The following RFPL1 variants were observed in gnomAD, a reference collection of about 807,000 sequenced individuals.
RFPL1 encodes ret finger protein like 1, also known as ret finger protein-like 1.
In RFPL1, 6 loss-of-function variants were observed where a neutral mutation model predicts 9.6. The ratio of observed to expected loss-of-function variants is 0.62; its 90% CI spans 0.34 to 1.23. The LOEUF (loss-of-function observed/expected upper bound fraction) is 1.23, where lower values mean the gene tolerates loss of function less well. Ranked by LOEUF, RFPL1 falls within the 50% of genes most tolerant of loss-of-function variation. The pLI is 0.03. For missense variants in RFPL1, 352 were observed against 398.4 expected, an observed-to-expected ratio of 0.88 and a Z score of 0.99; for synonymous variants, 145 against 149.4, an observed-to-expected ratio of 0.97 and a Z score of 0.22.
chr22:29,433,641 T>C (rs1158942157), upstream of RFPL1: 1 of 152,310 alleles, frequency 6.6e-6, no homozygotes, highest in African/African-American at 2.4e-5. Flanking sequence ...AATAGGGGCA[T>C]TAGCTGAATT....
the RFPL1 span, among the ~76,000 whole-genome samples, chr22:29,425,800 G>A: frequency 3.2e-4 from 49 of 152,270 alleles, no homozygotes; most frequent in African/African-American, 1.2e-3. Context: ...GGCTGAGGCA[G>A]GAGAATTGCT....
chr22:29,413,562 T>G, the RFPL1 span, among the ~76,000 whole-genome samples: 1 of 152,188 alleles, frequency 6.6e-6, no homozygotes, highest in Non-Finnish European at 1.5e-5. Context: ...CCAAACACCA[T>G]TTTATATTTG....
the RFPL1 span, among the ~76,000 whole-genome samples, chr22:29,410,604 T>G: frequency 2.2e-5 from 2 of 92,722 alleles, no homozygotes; most frequent in Admixed American, 2.2e-4. Flanking sequence ...TAGATATATA[T>G]AGATATATCT....
the RFPL1 span, among the ~76,000 whole-genome samples, chr22:29,422,775 G>A: frequency 1.3e-5 from 2 of 149,016 alleles, no homozygotes; most frequent in African/African-American, 5.0e-5. Flanking sequence ...CGTTGGATAA[G>A]GACACACAGG....
the RFPL1 span, among the ~76,000 whole-genome samples, chr22:29,398,473 G>A: frequency 2.6e-5 from 4 of 152,182 alleles, no homozygotes; most frequent in Non-Finnish European, 4.4e-5. Flanking sequence ...TCCCCATTTC[G>A]TAGTTGAGGG....
At chr22:29,431,926 T>C in the RFPL1 span, among the ~76,000 whole-genome samples, 3 of 152,076 alleles carry the variant, frequency 2.0e-5, no homozygotes, top group East Asian at 3.8e-4. Context: ...ACTCCTGACC[T>C]CGTGATCTAC....
upstream of RFPL1, chr22:29,438,529 T>A (rs960538384): frequency 8.3e-6 from 10 of 1,202,412 alleles, no homozygotes; most frequent in Admixed American, 3.4e-5. Context: ...CTTGCTGGGG[T>A]TCCCCTAGGA....
chr22:29,420,629 TTTTGC>T, the RFPL1 span, among the ~76,000 whole-genome samples: 477 of 22,736 alleles, frequency 0.021, 145 homozygotes, highest in African/African-American at 0.11. Context: ...GCAGATGGTT[TTTTGC>T]TTTTTTTTTT....
chr22:29,433,549 T>C, the RFPL1 span: 1 of 178,256 alleles, frequency 5.6e-6, no homozygotes, highest in Non-Finnish European at 1.2e-5. Context: ...ATGCGGAAGT[T>C]TCAAGGTCAG....
At chr22:29,435,099 A>G (rs2062802505), upstream of RFPL1, 1 of 152,274 alleles carries the variant, frequency 6.6e-6, no homozygotes, top group Non-Finnish European at 1.5e-5. Context: ...AAGTTACAGC[A>G]GAAAAATATG....
the RFPL1 span, among the ~76,000 whole-genome samples, chr22:29,429,674 G>A: frequency 4.6e-5 from 7 of 152,078 alleles, no homozygotes; most frequent in Non-Finnish European, 8.8e-5. Flanking sequence ...CTCTCAAATT[G>A]GAAAAGAAGT....
At chr22:29,410,630 G>GATAT in the RFPL1 span, among the ~76,000 whole-genome samples, 1 of 87,926 alleles carries the variant, frequency 1.1e-5, no homozygotes, top group African/African-American at 3.7e-5. Context: ...TATATAGATA[G>GATAT]ATATATTGTA....
chr22:29,413,322 T>G, the RFPL1 span, among the ~76,000 whole-genome samples: 1 of 152,088 alleles, frequency 6.6e-6, no homozygotes, highest in Non-Finnish European at 1.5e-5. Flanking sequence ...GAACATGATC[T>G]TCAGGCTGGT....
At chr22:29,442,034 C>G in exon 2 of RFPL1, 1 of 1,614,034 alleles carries the variant, frequency 6.2e-7, no homozygotes, top group Non-Finnish European at 8.5e-7. Flanking sequence ...CCAAGTCCAC[C>G]TAATGGTGAT....
At chr22:29,419,950 A>C in the RFPL1 span, among the ~76,000 whole-genome samples, 72 of 152,256 alleles carry the variant, frequency 4.7e-4, no homozygotes, top group South Asian at 1.9e-3. Flanking sequence ...GGAGCTAAAA[A>C]CCCAGTGGAA....
chr22:29,410,453 G>GAT, the RFPL1 span, among the ~76,000 whole-genome samples: 2 of 76,062 alleles, frequency 2.6e-5, no homozygotes, highest in Admixed American at 1.5e-4. Context: ...TCTATATATA[G>GAT]ATATATATAT....
At chr22:29,400,620 G>T in the RFPL1 span, among the ~76,000 whole-genome samples, 1 of 152,124 alleles carries the variant, frequency 6.6e-6, no homozygotes, top group East Asian at 1.9e-4. Flanking sequence ...ATCTTTATGG[G>T]GGGGGAATGA....
the RFPL1 span, among the ~76,000 whole-genome samples, chr22:29,425,834 G>A: frequency 6.6e-6 from 1 of 151,960 alleles, no homozygotes; most frequent in African/African-American, 2.4e-5. Flanking sequence ...TGAGGGTTGA[G>A]GTGATCTGAG....
the RFPL1 span, among the ~76,000 whole-genome samples, chr22:29,431,541 G>T: frequency 1.6e-4 from 25 of 152,198 alleles, no homozygotes; most frequent in East Asian, 4.6e-3. Flanking sequence ...GGTGTTGGAG[G>T]GTCTCTGAGT....
Sources: gnomAD v4.1 joint callset for allele counts (sites outside exome capture counted in the v4.1 genomes callset) on GRCh38, gnomAD v4.1.1 for gene constraint, MANE v1.5 for transcripts, NCBI Gene and HGNC (gene_info 2026-07-23, HGNC 2026-07-21) for gene names.